The following C8orf34 variants were observed in gnomAD, a reference collection of about 807,000 sequenced individuals.
C8orf34 encodes the protein uncharacterized protein C8orf34.
C8orf34 carries 65 observed loss-of-function variants against 68.3 expected under a neutral mutation model. The observed-to-expected ratio is 0.95, with a 90% CI of 0.78 to 1.17. C8orf34 has a LOEUF of 1.17. C8orf34 is among the 50% of genes most tolerant of loss of function. The probability of loss-of-function intolerance (pLI) is 0.00; values close to 1 mark genes in which losing one functional copy is unlikely to be tolerated. For synonymous variants in C8orf34, 244 were observed against 241.2 expected (o/e 1.01, Z -0.11); for missense variants, 664 against 655.4 (o/e 1.01, Z -0.14).
chr8:68,464,531 G>A (rs59942216), intron 3 of C8orf34, among the ~76,000 whole-genome samples: 2,135 of 151,940 alleles, frequency 0.014, 35 homozygotes, highest in East Asian at 0.094. Flanking sequence ...GAGGCATCAC[G>A]CTACCTGACT....
chr8:68,525,956 CTTTTTTTT>C lies in C8orf34; in HGVS notation c.938+3998_938+4005del, dbSNP rs10692707. 6.6e-4 allele frequency: 118 copies of C among 178,758 alleles called. 1 individual carries two copies. The highest frequency in any genetic ancestry group is 3.1e-3 in the African/African-American group (92 of 29,724). 11.1% of individuals were successfully genotyped at this position (178,758 alleles called of 1,614,324 possible). On this transcript the variant is annotated intron_variant, in intron 6 of 13. Transcript: ENST00000518698. ...CTGAAAGAGACAAATTTCTTTCTTT[CTTTTTTTT>C]TTTTTTTTTTTTGAGACAGAGTCTC...
In C8orf34 at chr8:68,774,014, A is replaced by G. The variant is rs984805969; in HGVS notation, c.1405-2385A>G. ...ACATCGCCCTCTTCAGTGAGCGCCC[A>G]GAAACTGCTCTCCAGCATCTCTCAC... On this transcript the variant is annotated intron_variant, in intron 10 of 13. Coordinates refer to ENST00000518698, the MANE Select transcript of C8orf34 (RefSeq NM_052958.4). 2.0e-5 allele frequency among the ~76,000 whole-genome samples: 3 copies of G among 152,316 alleles called. No homozygotes were observed. In the South Asian group the frequency reaches 6.2e-4, roughly 32 times the overall value.
In C8orf34 at chr8:68,453,782, C is replaced by T. The variant is rs201003597; in HGVS notation, c.607+7322C>T. ...TTATTTTTCTTTTCTTGCCTAATTG[C>T]CCCAGCTAGAAATTCCAATACAAGG... On this transcript the variant is annotated intron_variant, in intron 3 of 13. Coordinates refer to ENST00000518698, the MANE Select transcript of C8orf34 (RefSeq NM_052958.4). Among the ~76,000 whole-genome samples the T allele has an allele frequency of 2.6e-4, 40 of 151,992 alleles. No individual in the cohort carries two copies. The East Asian group carries it at 5.6e-3, about 21-fold the overall frequency.
intron 12 of C8orf34, 62 bp downstream of exon 12, chr8:68,787,598 C>A (rs1823880974): frequency 4.3e-6 from 5 of 1,173,952 alleles, no homozygotes; most frequent in Admixed American, 2.4e-5. Flanking sequence ...CACAATAAAG[C>A]TATTTCACTT....
At chr8:68,411,171 G>A (rs557584965) in intron 1 of C8orf34, among the ~76,000 whole-genome samples, 36 of 152,112 alleles carry the variant, frequency 2.4e-4, no homozygotes, top group Non-Finnish European at 4.3e-4. Context: ...GCTATTCAAT[G>A]TATATATGTG....
At chr8:68,571,600 G>T (rs1231664890) in intron 7 of C8orf34, among the ~76,000 whole-genome samples, 1 of 152,120 alleles carries the variant, frequency 6.6e-6, no homozygotes, top group Non-Finnish European at 1.5e-5. Flanking sequence ...CTGTGAATAA[G>T]TATAAAAAAG....
intron 8 of C8orf34, among the ~76,000 whole-genome samples, chr8:68,677,687 A>C (rs1004492301): frequency 2.0e-5 from 3 of 152,154 alleles, no homozygotes; most frequent in Non-Finnish European, 4.4e-5. Context: ...CTAGAAAGGC[A>C]AGAGCAAACC....
At chr8:68,466,603 T>C (rs1276907725) in intron 3 of C8orf34, among the ~76,000 whole-genome samples, 3 of 151,746 alleles carry the variant, frequency 2.0e-5, no homozygotes, top group Non-Finnish European at 2.9e-5. Context: ...TTGTATACAA[T>C]GTGAATGGGA....
intron 1 of C8orf34, among the ~76,000 whole-genome samples, chr8:68,397,935 A>G (rs1808787863): frequency 6.6e-6 from 1 of 151,644 alleles, no homozygotes; most frequent in South Asian, 2.1e-4. Context: ...CACCCAGCCA[A>G]TTTTTTTCTT....
intron 8 of C8orf34, among the ~76,000 whole-genome samples, chr8:68,701,602 C>G (rs537274853): frequency 1.4e-4 from 22 of 152,110 alleles, no homozygotes; most frequent in Admixed American, 2.6e-4. Flanking sequence ...CCACACTCGT[C>G]TTTCACTATG....
At chr8:68,331,392 G>C (rs1405367279) in intron 1 of C8orf34, 53 bp downstream of exon 1, 1 of 1,509,632 alleles carries the variant, frequency 6.6e-7, no homozygotes, top group African/African-American at 1.4e-5. Context: ...AAGGGGTGCA[G>C]TAATGAAAAC....
chr8:68,753,941 A>G (rs1822779415), intron 10 of C8orf34, among the ~76,000 whole-genome samples: 1 of 152,134 alleles, frequency 6.6e-6, no homozygotes, highest in African/African-American at 2.4e-5. Flanking sequence ...AAGCCCTTTC[A>G]GTGGCTGCTG....
At chr8:68,666,822 C>T (rs146130672) in intron 8 of C8orf34, among the ~76,000 whole-genome samples, 2 of 152,162 alleles carry the variant, frequency 1.3e-5, no homozygotes, top group East Asian at 1.9e-4. Context: ...AGCACAAGTG[C>T]CCTTTTAAAG....
chr8:68,497,272 A>G (rs1813564023), intron 5 of C8orf34, among the ~76,000 whole-genome samples: 1 of 152,230 alleles, frequency 6.6e-6, no homozygotes. Flanking sequence ...CTACATAAAA[A>G]GATGCTCAGC....
chr8:68,707,956 A>C (rs1821218295), intron 8 of C8orf34, among the ~76,000 whole-genome samples: 1 of 152,220 alleles, frequency 6.6e-6, no homozygotes, highest in South Asian at 2.1e-4. Flanking sequence ...GAATACAATA[A>C]AAAGGAAATA....
At chr8:68,416,834 A>T (rs1040014408) in intron 1 of C8orf34, among the ~76,000 whole-genome samples, 3 of 152,024 alleles carry the variant, frequency 2.0e-5, no homozygotes, top group Non-Finnish European at 4.4e-5. Flanking sequence ...CCTGACCTGA[A>T]TTAGTATCTT....
chr8:68,463,312 C>A (rs1451128438), intron 3 of C8orf34, among the ~76,000 whole-genome samples: 3 of 130,820 alleles, frequency 2.3e-5, no homozygotes, highest in African/African-American at 5.8e-5. Flanking sequence ...GCTTACCAAC[C>A]AAAAAGAGTC....
chr8:68,617,186 G>A (rs1228020450), intron 7 of C8orf34, among the ~76,000 whole-genome samples: 12 of 152,202 alleles, frequency 7.9e-5, no homozygotes, highest in Admixed American at 5.2e-4. Context: ...GTGTGTCTCT[G>A]CACGTGAGAA....
intron 7 of C8orf34, among the ~76,000 whole-genome samples, chr8:68,562,203 A>G (rs1816452483): frequency 1.3e-5 from 2 of 152,166 alleles, no homozygotes; most frequent in Admixed American, 1.3e-4. Context: ...GACAGCTATG[A>G]TGTCACTAGG....
Sources: gnomAD v4.1 joint callset for allele counts (sites outside exome capture counted in the v4.1 genomes callset) on GRCh38, gnomAD v4.1.1 for gene constraint, MANE v1.5 for transcripts, NCBI Gene and HGNC (gene_info 2026-07-23, HGNC 2026-07-21) for gene names.